The following HOOK3 variants were observed in gnomAD, a reference collection of about 807,000 sequenced individuals.
HOOK3 encodes hook microtubule tethering protein 3, also known as protein Hook homolog 3.
A neutral mutation model predicts 116.3 loss-of-function variants in HOOK3; 24 were observed. That is an observed-to-expected ratio of 0.21 (90% CI 0.15 to 0.29). HOOK3 has a LOEUF of 0.29. Among genes scored for constraint, HOOK3 ranks in the 10% least tolerant of loss-of-function variants. The pLI is 1.00. For missense variants in HOOK3, 632 were observed against 830.2 expected (o/e 0.76, Z 2.93); for synonymous variants, 275 against 283.0 (o/e 0.97, Z 0.28).
intron 15 of HOOK3, among the ~76,000 whole-genome samples, chr8:42,995,330 G>A (rs1809244175): frequency 6.6e-6 from 1 of 152,228 alleles, no homozygotes; most frequent in Middle Eastern, 3.4e-3. Context: ...AAGATAACTG[G>A]TCATCTCTTA....
intron 19 of HOOK3, 83 bp from the exon 20 acceptor site, chr8:43,012,968 T>A (rs966970375): frequency 2.1e-5 from 18 of 863,376 alleles, no homozygotes; most frequent in Non-Finnish European, 2.9e-5. Flanking sequence ...CCTTTTATTT[T>A]AAAAAAATAG....
chr8:42,932,270 G>T (rs557992257), intron 4 of HOOK3, among the ~76,000 whole-genome samples: 2 of 152,082 alleles, frequency 1.3e-5, no homozygotes, highest in Non-Finnish European at 2.9e-5. Context: ...CCTTCGACCA[G>T]AAGTACTTAT....
intron 4 of HOOK3, among the ~76,000 whole-genome samples, chr8:42,932,943 T>A (rs952423372): frequency 6.6e-6 from 1 of 152,244 alleles, no homozygotes; most frequent in Non-Finnish European, 1.5e-5. Context: ...TATATATTTC[T>A]TTGTGCATTT....
chr8:42,897,009 C>A lies in HOOK3; in HGVS notation c.-123C>A, dbSNP rs1806990865. 1.6e-6 allele frequency: 1 copy of A among 636,212 alleles called. No homozygotes were observed. The highest frequency in any genetic ancestry group is 2.3e-6 in the Non-Finnish European group (1 of 443,610). 39.4% of individuals were successfully genotyped at this position (636,212 alleles called of 1,614,324 possible). A position where few individuals can be genotyped will look rare whatever the true frequency, so the allele number is the denominator to read the frequency against. ...GCTGCCAGCGCTGGGCGAGAGTCGG[C>A]GGCCGGATCCGAGGAGCAGGCGGGC... On this transcript the variant is annotated 5_prime_UTR_variant, in exon 1 of 22. Transcript: ENST00000307602.
At chr8:42,903,324 CT>C (rs1171676069) in intron 1 of HOOK3, among the ~76,000 whole-genome samples, 17 of 146,856 alleles carry the variant, frequency 1.2e-4, no homozygotes, top group Non-Finnish European at 1.5e-5. Flanking sequence ...ACTGACTGTA[CT>C]GTTAATAGTT....
intron 2 of HOOK3, among the ~76,000 whole-genome samples, chr8:42,912,598 A>G (rs1807452387): frequency 6.6e-6 from 1 of 152,042 alleles, no homozygotes; most frequent in Non-Finnish European, 1.5e-5. Context: ...TATGTTGTGT[A>G]CATTTTACAA....
intron 1 of HOOK3, among the ~76,000 whole-genome samples, chr8:42,900,348 A>G (rs544810894): frequency 2.0e-5 from 3 of 152,362 alleles, no homozygotes; most frequent in African/African-American, 7.2e-5. Flanking sequence ...ATGAAAAGAT[A>G]GCACTTTTCC....
At chr8:42,912,534 A>G (rs773661724) in intron 2 of HOOK3, among the ~76,000 whole-genome samples, 11 of 152,206 alleles carry the variant, frequency 7.2e-5, no homozygotes, top group South Asian at 2.1e-4. Context: ...AACAATGTGA[A>G]TGTATTTGAT....
intron 19 of HOOK3, among the ~76,000 whole-genome samples, chr8:43,011,166 GT>G (rs1809604055): frequency 6.6e-6 from 1 of 151,896 alleles, no homozygotes. Flanking sequence ...CTAATTTTTT[GT>G]ATTTTTTAGT....
intron 3 of HOOK3, among the ~76,000 whole-genome samples, chr8:42,926,264 C>T (rs931211395): frequency 3.9e-5 from 6 of 152,006 alleles, no homozygotes; most frequent in Non-Finnish European, 7.4e-5. Context: ...CGTAATCCAC[C>T]AAATTATTTT....
intron 2 of HOOK3, among the ~76,000 whole-genome samples, chr8:42,923,631 A>G (rs935256119): frequency 2.0e-5 from 3 of 152,196 alleles, no homozygotes; most frequent in African/African-American, 7.2e-5. Flanking sequence ...AGAGACAGAA[A>G]ATAGATTACT....
intron 4 of HOOK3, among the ~76,000 whole-genome samples, chr8:42,941,515 CTCAAAAA>C (rs1808124346): frequency 9.6e-6 from 1 of 104,484 alleles, no homozygotes; most frequent in African/African-American, 3.8e-5. Context: ...GAGACTCCGT[CTCAAAAA>C]AAAAAAAAAA....
At chr8:42,902,845 T>C (rs1807218556) in intron 1 of HOOK3, among the ~76,000 whole-genome samples, 1 of 152,206 alleles carries the variant, frequency 6.6e-6, no homozygotes, top group Non-Finnish European at 1.5e-5. Context: ...GGCTTGTTCG[T>C]ATCAGGCATT....
intron 17 of HOOK3, among the ~76,000 whole-genome samples, chr8:43,002,768 C>T (rs1809404828): frequency 6.6e-6 from 1 of 152,150 alleles, no homozygotes; most frequent in Non-Finnish European, 1.5e-5. Flanking sequence ...GACTTGAACT[C>T]CTGGTCTCAA....
chr8:42,980,708 A>G (rs1013987290), intron 13 of HOOK3, among the ~76,000 whole-genome samples: 8 of 152,150 alleles, frequency 5.3e-5, no homozygotes, highest in African/African-American at 1.9e-4. Flanking sequence ...ACATGGTGAA[A>G]ACCCGTCTCT....
chr8:42,966,907 T>A (rs1808641890), intron 10 of HOOK3, among the ~76,000 whole-genome samples: 1 of 152,132 alleles, frequency 6.6e-6, no homozygotes, highest in African/African-American at 2.4e-5. Flanking sequence ...GACCATCACT[T>A]CTTACTTGTA....
chr8:43,012,968 TAAA>T, intron 19 of HOOK3, 80 bp from the exon 20 acceptor site: 1 of 863,494 alleles, frequency 1.2e-6, no homozygotes, highest in Non-Finnish European at 1.8e-6. Context: ...CCTTTTATTT[TAAA>T]AAAATAGTCA....
At chr8:42,956,772 AT>A (rs1808444154) in intron 6 of HOOK3, among the ~76,000 whole-genome samples, 1 of 151,968 alleles carries the variant, frequency 6.6e-6, no homozygotes, top group Non-Finnish European at 1.5e-5. Context: ...TTTAGTAGAG[AT>A]GGGTTTCTCC....
intron 2 of HOOK3, among the ~76,000 whole-genome samples, chr8:42,918,623 A>G (rs1293778902): frequency 6.6e-6 from 1 of 152,102 alleles, no homozygotes; most frequent in Non-Finnish European, 1.5e-5. Context: ...GGGAGTGGTG[A>G]TGACTCTTAA....
Sources: allele counts gnomAD v4.1 joint callset (sites outside exome capture counted in the v4.1 genomes callset), GRCh38; gene constraint gnomAD v4.1.1; transcripts MANE v1.5; gene names NCBI Gene and HGNC (gene_info 2026-07-23, HGNC 2026-07-21).